Variants in KLHL29 observed in about 807,000 individuals in gnomAD.
KLHL29 encodes the protein kelch like family member 29, also known as kelch-like protein 29.
A neutral mutation model predicts 80.4 loss-of-function variants in KLHL29; 21 were observed. The ratio of observed to expected loss-of-function variants is 0.26; its 90% confidence interval spans 0.19 to 0.38. The LOEUF (loss-of-function observed/expected upper bound fraction) is 0.38, where lower values mean the gene tolerates loss of function less well. Ranked by LOEUF, KLHL29 falls within the 10% of genes least tolerant of loss-of-function variation. The pLI, the probability that KLHL29 is intolerant of heterozygous loss-of-function variation, is 1.00. For missense variants in KLHL29, 867 were observed against 1,223.9 expected (o/e 0.71, Z 4.35); for synonymous variants, 511 against 526.8 (o/e 0.97, Z 0.41).
chr2:23,623,305 G>A (rs1669230782), intron 3 of KLHL29, among the ~76,000 whole-genome samples: 1 of 152,166 alleles, frequency 6.6e-6, no homozygotes, highest in African/African-American at 2.4e-5. Context: ...ATGGCGATGA[G>A]CCCTGGGAGC....
chr2:23,582,184 G>A (rs990360875), intron 3 of KLHL29, among the ~76,000 whole-genome samples: 2 of 152,138 alleles, frequency 1.3e-5, no homozygotes, highest in Non-Finnish European at 2.9e-5. Context: ...AATCTTTCTC[G>A]AATGGAAAAA....
At chr2:23,483,616 A>G (rs1478669668) in intron 2 of KLHL29, among the ~76,000 whole-genome samples, 3 of 152,084 alleles carry the variant, frequency 2.0e-5, no homozygotes, top group African/African-American at 7.2e-5. Flanking sequence ...GATTTATGTT[A>G]CCTCCTTCTG....
chr2:23,630,750 A>C (rs1284285836), intron 3 of KLHL29, among the ~76,000 whole-genome samples: 1 of 152,158 alleles, frequency 6.6e-6, no homozygotes, highest in Non-Finnish European at 1.5e-5. Context: ...AGCCTCCCAA[A>C]GTACTGAGAT....
At chr2:23,693,555 TTC>T (rs1349889858) in intron 8 of KLHL29, 27 bp downstream of exon 8, 2 of 1,536,112 alleles carry the variant, frequency 1.3e-6, no homozygotes, top group African/African-American at 2.7e-5. Context: ...CCCCCGCCCC[TTC>T]TCTCTGGGTT....
At chr2:23,666,792 C>T (rs1032234730) in intron 5 of KLHL29, among the ~76,000 whole-genome samples, 52 of 152,388 alleles carry the variant, frequency 3.4e-4, no homozygotes, top group African/African-American at 1.2e-3. Flanking sequence ...CTGGCCCACC[C>T]AGACTGGCAC....
chr2:23,609,351 A>G (rs779468915), intron 3 of KLHL29, among the ~76,000 whole-genome samples: 3 of 152,090 alleles, frequency 2.0e-5, no homozygotes, highest in Non-Finnish European at 2.9e-5. Context: ...CGCCTGGTGA[A>G]GAGTTGTAAG....
intron 2 of KLHL29, among the ~76,000 whole-genome samples, chr2:23,526,153 A>G (rs1666308754): frequency 6.6e-6 from 1 of 152,222 alleles, no homozygotes; most frequent in African/African-American, 2.4e-5. Flanking sequence ...ATTGAGTAGA[A>G]GATTCTGGAG....
At chr2:23,588,692 A>C (rs939411946) in intron 3 of KLHL29, among the ~76,000 whole-genome samples, 2 of 152,120 alleles carry the variant, frequency 1.3e-5, no homozygotes, top group African/African-American at 4.8e-5. Context: ...CATTTTTAAC[A>C]ATCTCCCTCG....
At chr2:23,451,069 A>G (rs1663865793) in intron 1 of KLHL29, among the ~76,000 whole-genome samples, 1 of 152,198 alleles carries the variant, frequency 6.6e-6, no homozygotes, top group South Asian at 2.1e-4. Flanking sequence ...TAATTCTTTC[A>G]CTTAGCATAA....
Position 23,700,176 on chromosome 2 carries a change from A to G in KLHL29, c.2106-3010A>G, listed in dbSNP as rs921475617. On this transcript the variant is annotated intron_variant, in intron 11 of 13. Coordinates refer to ENST00000486442, the MANE Select transcript of KLHL29 (RefSeq NM_052920.2). The surrounding 1 kb of genome is among the most constrained non-coding windows in gnomAD (Gnocchi z 4.6). ...TCATTATCCAGTTGGACTCCTTCCT[A>G]TTTTAGCATGTAAACACAATTAAAC... 6.6e-6 allele frequency among the ~76,000 whole-genome samples: 1 copy of G among 152,170 alleles called. No individual in the cohort carries two copies. The highest frequency in any genetic ancestry group is 1.9e-4 in the East Asian group (1 of 5,192).
chr2:23,388,557 A>T (rs893761199), intron 1 of KLHL29, among the ~76,000 whole-genome samples: 3 of 152,196 alleles, frequency 2.0e-5, no homozygotes, highest in Admixed American at 6.5e-5. Context: ...TTCAGTATTC[A>T]TGCATTTCCA....
chr2:23,663,080 G>C (rs1670457505), intron 5 of KLHL29, among the ~76,000 whole-genome samples: 1 of 152,160 alleles, frequency 6.6e-6, no homozygotes, highest in South Asian at 2.1e-4. Context: ...GGTGGCAGGT[G>C]GGAGGAGGCG....
intron 2 of KLHL29, among the ~76,000 whole-genome samples, chr2:23,504,632 G>T (rs1665548325): frequency 6.6e-6 from 1 of 152,238 alleles, no homozygotes; most frequent in Non-Finnish European, 1.5e-5. Context: ...TTTGCAGCTG[G>T]AACTGGAAGG....
chr2:23,640,592 T>A (rs572666516), intron 4 of KLHL29, among the ~76,000 whole-genome samples: 55 of 152,376 alleles, frequency 3.6e-4, no homozygotes, highest in African/African-American at 1.3e-3. Flanking sequence ...CAGTTCCCAT[T>A]AGCAGCACAT....
chr2:23,452,174 G>GAA (rs35242576), intron 1 of KLHL29, among the ~76,000 whole-genome samples: 13 of 146,768 alleles, frequency 8.9e-5, no homozygotes, highest in East Asian at 7.9e-4. Flanking sequence ...ACCGTGCCCA[G>GAA]AAAAAAAAAT....
Position 23,457,509 on chromosome 2 carries a change from C to T in KLHL29, c.-153-18051C>T, listed in dbSNP as rs185926234. ...ACTCCTTTGGCCCCATGGATCACCC[C>T]TCAACCCGTCACCTTGTGTTCCCCG... On this transcript the variant is annotated intron_variant, in intron 1 of 13. Coordinates refer to ENST00000486442, the MANE Select transcript of KLHL29 (RefSeq NM_052920.2). This position sits in a 1 kb window ranked among gnomAD's most constrained non-coding sequence, Gnocchi z 4.3. Among the ~76,000 whole-genome samples, 145 of 152,348 alleles carry T rather than the reference C, an allele frequency of 9.5e-4. No individual in the cohort carries two copies. Among genetic ancestry groups the T allele is most frequent in the African/African-American group, 3.4e-3 (140 of 41,578 alleles).
intron 2 of KLHL29, among the ~76,000 whole-genome samples, chr2:23,558,393 C>A (rs1006777986): frequency 7.6e-6 from 1 of 130,804 alleles, no homozygotes; most frequent in African/African-American, 2.8e-5. Flanking sequence ...TTTACTAGGA[C>A]TGTAAGACAT....
intron 12 of KLHL29, 71 bp downstream of exon 12, chr2:23,703,450 C>A: frequency 7.6e-7 from 1 of 1,321,178 alleles, no homozygotes; most frequent in Non-Finnish European, 1.0e-6. Flanking sequence ...TTCAGTATCC[C>A]ATGCCCAGAA....
chr2:23,406,517 C>T (rs720291), intron 1 of KLHL29, among the ~76,000 whole-genome samples: 10,172 of 152,154 alleles, frequency 0.067, 631 homozygotes, highest in African/African-American at 0.17. Context: ...TTGAAAATTA[C>T]TCTTAAACAT....
Sources: allele counts gnomAD v4.1 joint callset (sites outside exome capture counted in the v4.1 genomes callset), GRCh38; gene constraint gnomAD v4.1.1; non-coding constraint Gnocchi (gnomAD v3.1); transcripts MANE v1.5; gene names NCBI Gene and HGNC (gene_info 2026-07-23, HGNC 2026-07-21).